Variants in CERK observed in about 807,000 individuals in gnomAD.
The protein encoded by CERK is acylsphingosine kinase.
A neutral mutation model predicts 63.4 loss-of-function variants in CERK; 39 were observed. That is an observed-to-expected ratio of 0.61 (90% CI 0.48 to 0.80). The LOEUF is 0.80. Ranked by LOEUF, CERK falls within the 30% of genes least tolerant of loss-of-function variation. The pLI is 0.00. For missense variants in CERK, 670 were observed against 714.1 expected (o/e 0.94, Z 0.70); for synonymous variants, 302 against 280.0 (o/e 1.08, Z -0.78).
rs1480591697 is a variant in CERK at position 46,714,745 on chromosome 22, C to T, written c.380-2452G>A. Reference sequence around the variant, plus strand: ...TCCAGAGAACAGAAAAAAACAAACACGTATGAACTCTTTGTATGACACACC... The same window carrying T: ...TCCAGAGAACAGAAAAAAACAAACATGTATGAACTCTTTGTATGACACACC... On this transcript the variant is annotated intron_variant, in intron 3 of 12. Transcript: ENST00000216264. The surrounding 1 kb of genome is among the most constrained non-coding windows in gnomAD (Gnocchi z 4.4). Among the ~76,000 whole-genome samples the T allele has an allele frequency of 7.9e-5, 12 of 152,204 alleles. No homozygotes were observed. The highest frequency in any genetic ancestry group is 1.9e-4 in the East Asian group (1 of 5,182).
At chr22:46,737,251 C>T (rs2082978202) in intron 1 of CERK, among the ~76,000 whole-genome samples, 1 of 146,232 alleles carries the variant, frequency 6.8e-6, no homozygotes. Flanking sequence ...AAGATCGTGG[C>T]ATTGAACTCC....
rs151310193 is a variant in CERK at position 46,705,907 on chromosome 22, C to T, written c.715+1936G>A. On this transcript the variant is annotated intron_variant, in intron 6 of 12. Coordinates refer to ENST00000216264, the MANE Select transcript of CERK (RefSeq NM_022766.6). The stretch of plus-strand genomic sequence containing the variant: ...AAAAAGTTGGCCGAGTGTGGTGGTG[C>T]ACGCCTGTGGTCCCAGCTACTTGGG... 3.3e-3 allele frequency among the ~76,000 whole-genome samples: 499 copies of T among 152,254 alleles called. 2 individuals carry two copies. Among genetic ancestry groups the T allele is most frequent in the African/African-American group, 0.011 (465 of 41,552 alleles).
intron 11 of CERK, among the ~76,000 whole-genome samples, chr22:46,691,067 A>ACACACT (rs2082729140): frequency 6.6e-6 from 1 of 150,758 alleles, no homozygotes; most frequent in Admixed American, 6.6e-5. Flanking sequence ...ACACACACAC[A>ACACACT]CACACACACA....
At chr22:46,729,855 C>T (rs577837891) in intron 1 of CERK, among the ~76,000 whole-genome samples, 8 of 152,024 alleles carry the variant, frequency 5.3e-5, no homozygotes, top group African/African-American at 1.2e-4. Context: ...CTGGCTAACA[C>T]GGTGAAACCC....
chr22:46,737,795 G>T (rs149196475), intron 1 of CERK, among the ~76,000 whole-genome samples: 71 of 152,158 alleles, frequency 4.7e-4, no homozygotes, highest in African/African-American at 1.7e-3. Context: ...CTTTGTCCTC[G>T]GGTTCCCGGA....
chr22:46,691,836 C>T, intron 10 of CERK, 59 bp from the exon 11 acceptor site: 1 of 1,467,796 alleles, frequency 6.8e-7, no homozygotes, highest in Non-Finnish European at 9.3e-7. Flanking sequence ...CAGCGCCCTG[C>T]ACCAGGACGG....
chr22:46,733,858 A>G (rs2082958465), intron 1 of CERK, among the ~76,000 whole-genome samples: 5 of 151,508 alleles, frequency 3.3e-5, no homozygotes, highest in African/African-American at 1.2e-4. Context: ...CCTGGCCAAC[A>G]TGGTGAAACC....
rs757605254 is a variant in CERK, at chr22:46,695,256, G to C, written c.1003C>G (p.Gln335Glu). 5.0e-6 allele frequency: 8 copies of C among 1,612,368 alleles called. No homozygotes were observed. Among genetic ancestry groups the C allele is most frequent in the Admixed American group, 1.7e-5 (1 of 60,022 alleles). Residue 335 changes from glutamine (Q) to glutamate (E), a missense_variant, in exon 9 of 13, where the codon CAA (glutamine) becomes GAA (glutamate). Gln to Glu is a conservative substitution (Grantham distance 29). Coordinates refer to ENST00000216264, the MANE Select transcript of CERK (RefSeq NM_022766.6). ...YEGTVSFLPA[Q>E]HTVGSPRDRK... The stretch of plus-strand genomic sequence containing the variant: ...TCCCTTGGAGATCCCACCGTGTGTT[G>C]TGCAGGGAGGAAGGACACTGTCCCT...
chr22:46,720,846 G>T, intron 2 of CERK, 56 bp downstream of exon 2: 1 of 1,075,184 alleles, frequency 9.3e-7, no homozygotes, highest in Non-Finnish European at 1.4e-6. Flanking sequence ...GTTCCCTCTC[G>T]TGTAATCTAC....
At chr22:46,721,564 TCACACGATTTG>T (rs2146582446) in intron 1 of CERK, among the ~76,000 whole-genome samples, 1 of 152,324 alleles carries the variant, frequency 6.6e-6, no homozygotes, top group African/African-American at 2.4e-5. Flanking sequence ...CTGTGATTTT[TCACACGATTTG>T]CTCACCCATT....
intron 6 of CERK, among the ~76,000 whole-genome samples, chr22:46,703,687 C>T (rs920548244): frequency 4.7e-4 from 71 of 152,190 alleles, no homozygotes; most frequent in Non-Finnish European, 6.2e-4. Flanking sequence ...GCGCCCTTAC[C>T]GTCCAAGCCA....
At chr22:46,719,898 G>C (rs1370714192) in intron 3 of CERK, among the ~76,000 whole-genome samples, 188 bp downstream of exon 3, 1 of 152,244 alleles carries the variant, frequency 6.6e-6, no homozygotes, top group East Asian at 1.9e-4. Context: ...GGTCCAGGCT[G>C]TGGAGCCCAT....
Position 46,711,077 on chromosome 22 carries a change from C to T in CERK, c.569+9G>A, listed in dbSNP as rs758287860. On this transcript the variant is annotated intron_variant, in intron 5 of 12. Transcript: ENST00000216264. ...TGGACTTGATGGCGATGAAAGACGG[C>T]TTACTCACCCGTCGTATTTGTCTAT... 2 of 1,608,220 alleles carry T rather than the reference C, an allele frequency of 1.2e-6. No homozygotes were observed. Among genetic ancestry groups the T allele is most frequent in the East Asian group, 2.2e-5 (1 of 44,846 alleles).
At position 46,699,195 on chromosome 22, in the gene CERK, G is replaced by A. The variant is rs185822418; in HGVS notation, c.943+118C>T. On this transcript the variant is annotated intron_variant, in intron 8 of 12. Coordinates refer to ENST00000216264, the MANE Select transcript of CERK (RefSeq NM_022766.6). The stretch of plus-strand genomic sequence containing the variant: ...CATTTCATGAGGCCCTTAGCTTCCC[G>A]TCTGTGAGCAGGTGGGGGCCCACCT... 5.3e-4 allele frequency: 559 copies of A among 1,047,516 alleles called. 6 individuals carry two copies. The East Asian group carries it at 0.011, about 21-fold the overall frequency. The allele number at this position is 1,047,516 out of a possible 1,614,324, so 64.9% of individuals were successfully genotyped here.
intron 1 of CERK, among the ~76,000 whole-genome samples, chr22:46,735,956 C>T (rs978388294): frequency 6.6e-6 from 1 of 152,196 alleles, no homozygotes; most frequent in Admixed American, 6.5e-5. Context: ...TGATGTTTTC[C>T]CATTGCATGG....
chr22:46,704,051 A>G (rs2082801646), intron 6 of CERK, among the ~76,000 whole-genome samples: 1 of 152,258 alleles, frequency 6.6e-6, no homozygotes, highest in Non-Finnish European at 1.5e-5. Flanking sequence ...GGCATTTGCT[A>G]CAATGCGCAC....
chr22:46,707,350 G>A (rs780557272), intron 6 of CERK, among the ~76,000 whole-genome samples: 32 of 152,258 alleles, frequency 2.1e-4, no homozygotes, highest in African/African-American at 5.1e-4. Flanking sequence ...GGACCAAGCC[G>A]AACCAGCACT....
intron 6 of CERK, among the ~76,000 whole-genome samples, chr22:46,704,824 C>CAAAAAAAAAAAAAAAAAAA: frequency 1.2e-5 from 1 of 83,698 alleles, no homozygotes; most frequent in Non-Finnish European, 2.3e-5. Flanking sequence ...GACTCCATCT[C>CAAAAAAAAAAAAAAAAAAA]AAAAAAAAAA....
At chr22:46,724,752 G>A (rs545955423) in intron 1 of CERK, among the ~76,000 whole-genome samples, 3 of 152,330 alleles carry the variant, frequency 2.0e-5, no homozygotes, top group African/African-American at 7.2e-5. Context: ...GGGCGGGGTG[G>A]CTCACACCTG....
Sources: gnomAD v4.1 joint callset for allele counts (sites outside exome capture counted in the v4.1 genomes callset) on GRCh38, gnomAD v4.1.1 for gene constraint, Gnocchi (gnomAD v3.1) non-coding constraint, MANE v1.5 for transcripts, NCBI Gene and HGNC (gene_info 2026-07-23, HGNC 2026-07-21) for gene names.